PRIMA1: variants seen among roughly 807,000 people sequenced by gnomAD.
PRIMA1 encodes proline rich membrane anchor 1, also known as proline-rich membrane anchor 1.
Under a neutral mutation model 17.5 loss-of-function variants are expected in PRIMA1, and 7 were observed. That is an observed-to-expected ratio of 0.40 (90% CI 0.23 to 0.75). PRIMA1 has a LOEUF of 0.75. Among genes scored for constraint, PRIMA1 ranks in the 30% least tolerant of loss-of-function variants. PRIMA1 has a pLI of 0.37. For synonymous variants in PRIMA1, 97 were observed against 77.9 expected (o/e 1.25, Z -1.29); for missense variants, 200 against 201.8 (o/e 0.99, Z 0.05).
rs763426300 is a variant in PRIMA1 at position 93,737,310 on chromosome 14, A to G, written c.290T>C (p.Ile97Thr). 1.7e-5 allele frequency: 28 copies of G among 1,614,186 alleles called. 2 individuals carry two copies. In the South Asian group the frequency reaches 2.9e-4, roughly 16 times the overall value. Residue 97 changes from isoleucine (I) to threonine (T), a missense_variant, in exon 4 of 5, where the codon ATT becomes ACT. Ile to Thr is a moderately conservative substitution (Grantham distance 89). Transcript: ENST00000393140. ...ESWWSGLVII[I>T]AVCCASLVFL... The stretch of plus-strand genomic sequence containing the variant: ...CACCAGGGAGGCACAGCATACGGCA[A>G]TGATGATCACCAGCCCCGACCACCA...
At chr14:93,733,378 C>T (rs915218266) in intron 4 of PRIMA1, among the ~76,000 whole-genome samples, 6 of 152,216 alleles carry the variant, frequency 3.9e-5, no homozygotes, top group Middle Eastern at 3.2e-3. Context: ...GAGACTCTTC[C>T]TCCTGCCAAG....
intron 3 of PRIMA1, among the ~76,000 whole-genome samples, chr14:93,758,957 C>T (rs2076309348): frequency 6.6e-6 from 1 of 152,056 alleles, no homozygotes; most frequent in Non-Finnish European, 1.5e-5. Context: ...TATTTTGCAT[C>T]TCTCTGTTGT....
At chr14:93,735,817 G>A (rs1446915392) in intron 4 of PRIMA1, among the ~76,000 whole-genome samples, 6 of 151,782 alleles carry the variant, frequency 4.0e-5, no homozygotes, top group African/African-American at 1.5e-4. Context: ...TCAGCCTCCT[G>A]AGGCTGGGAT....
In PRIMA1 at chr14:93,738,612, C is replaced by T. The variant is rs80225097; in HGVS notation, c.230-1242G>A. 2.5e-3 allele frequency among the ~76,000 whole-genome samples: 386 copies of T among 152,242 alleles called. 1 individual carries two copies. Among genetic ancestry groups the T allele is most frequent in the African/African-American group, 8.7e-3 (360 of 41,542 alleles). On this transcript the variant is annotated intron_variant, in intron 3 of 4. Transcript: ENST00000393140. ...GAGGGGTGCAACAGTAAGTGGGGAA[C>T]CAGGGGATGACTTCCCAAAGGGTAA...
rs2076017586 is a variant in PRIMA1, at chr14:93,718,507, A to C, written c.*2937T>G. On this transcript the variant is annotated 3_prime_UTR_variant, in exon 5 of 5. Coordinates refer to ENST00000393140, the MANE Select transcript of PRIMA1 (RefSeq NM_178013.4). ...TCCCAGGAGCAACTGTCCTCTCTCC[A>C]GTACACGCGGCACGTTGCTAAGAAG... 1 of 152,596 alleles carries C rather than the reference A, an allele frequency of 6.6e-6. No homozygotes were observed. Among genetic ancestry groups the C allele is most frequent in the Non-Finnish European group, 1.5e-5 (1 of 68,028 alleles). 9.5% of individuals were successfully genotyped at this position (152,596 alleles called of 1,614,324 possible). A position where few individuals can be genotyped will look rare whatever the true frequency, so the allele number is the denominator to read the frequency against.
intron 3 of PRIMA1, among the ~76,000 whole-genome samples, chr14:93,777,062 G>GA (rs1053713087): frequency 2.0e-5 from 3 of 152,124 alleles, no homozygotes; most frequent in Non-Finnish European, 2.9e-5. Context: ...TTTATTTAAA[G>GA]AAAAAAATAA....
intron 3 of PRIMA1, among the ~76,000 whole-genome samples, chr14:93,746,978 C>T (rs2076222376): frequency 6.6e-6 from 1 of 152,154 alleles, no homozygotes; most frequent in Non-Finnish European, 1.5e-5. Flanking sequence ...AATTGTCACA[C>T]ACCACGGGAG....
chr14:93,760,040 G>A (rs2076317411), intron 3 of PRIMA1, among the ~76,000 whole-genome samples: 2 of 152,266 alleles, frequency 1.3e-5, no homozygotes, highest in African/African-American at 4.8e-5. Context: ...CAGGGCAACA[G>A]CTGCCGTCCC....
At chr14:93,722,968 G>A (rs1566961636) in intron 4 of PRIMA1, among the ~76,000 whole-genome samples, 1 of 152,068 alleles carries the variant, frequency 6.6e-6, no homozygotes. Context: ...ACGCATATAA[G>A]GGATCAGGAA....
chr14:93,781,764 C>G (rs902824511), intron 2 of PRIMA1, among the ~76,000 whole-genome samples: 4 of 150,466 alleles, frequency 2.7e-5, no homozygotes, highest in Non-Finnish European at 5.9e-5. Context: ...CACCTGAGGT[C>G]AGGAGTTCGA....
chr14:93,731,780 G>A (rs1384831781), intron 4 of PRIMA1, among the ~76,000 whole-genome samples: 1 of 152,166 alleles, frequency 6.6e-6, no homozygotes, highest in Non-Finnish European at 1.5e-5. Context: ...CTTGTGCTTA[G>A]TCCCCAGCAC....
At chr14:93,782,648 G>A (rs1885416380) in intron 2 of PRIMA1, among the ~76,000 whole-genome samples, 1 of 152,142 alleles carries the variant, frequency 6.6e-6, no homozygotes, top group Non-Finnish European at 1.5e-5. Context: ...AAAATCAATG[G>A]TTCTCAGTCT....
rs189618352 is a variant in PRIMA1, at chr14:93,732,117, G to T, written c.359+5124C>A. 1.2e-3 allele frequency among the ~76,000 whole-genome samples: 179 copies of T among 152,360 alleles called. 1 individual carries two copies. The highest frequency in any genetic ancestry group is 1.8e-3 in the Non-Finnish European group (124 of 68,044). Reference sequence around the variant, plus strand: ...GTGAGAGGGAAATGGCTGTCCAGTGGCTTCATGGCAATTGGGAACAGACCC... The same window carrying T: ...GTGAGAGGGAAATGGCTGTCCAGTGTCTTCATGGCAATTGGGAACAGACCC... On this transcript the variant is annotated intron_variant, in intron 4 of 4. Transcript: ENST00000393140.
intron 3 of PRIMA1, among the ~76,000 whole-genome samples, chr14:93,776,685 CAGTT>C (rs1381491366): frequency 1.3e-5 from 2 of 152,242 alleles, no homozygotes; most frequent in African/African-American, 4.8e-5. Context: ...CATGTCCCTG[CAGTT>C]ATGAGAGCTG....
chr14:93,731,752 CTT>C lies in PRIMA1; in HGVS notation c.359+5487_359+5488del, dbSNP rs752516269. On this transcript the variant is annotated intron_variant, in intron 4 of 4. Transcript: ENST00000393140. ...CCAGCAGGAGGAGAACAGGGACTGT[CTT>C]GTTTCTTCTGCATCCCTTGTGCTTA... is the stretch of plus-strand genomic sequence containing the variant. Among the ~76,000 whole-genome samples, 8 of 152,186 alleles carry C rather than the reference CTT, an allele frequency of 5.3e-5. No individual in the cohort carries two copies. In the South Asian group the frequency reaches 1.0e-3, roughly 20 times the overall value.
intron 3 of PRIMA1, among the ~76,000 whole-genome samples, chr14:93,753,280 G>T (rs1249417689): frequency 2.0e-5 from 3 of 152,236 alleles, no homozygotes; most frequent in Non-Finnish European, 4.4e-5. Context: ...CAGAGGCTGT[G>T]CAGTGGAACT....
chr14:93,781,723 C>T (rs1423066226), intron 2 of PRIMA1, among the ~76,000 whole-genome samples: 1 of 152,208 alleles, frequency 6.6e-6, no homozygotes, highest in Non-Finnish European at 1.5e-5. Flanking sequence ...GCCTGTAATC[C>T]CAGCACTTTG....
rs562656749 is a variant in PRIMA1 at position 93,783,700 on chromosome 14, G to A, written c.93+3926C>T. The stretch of plus-strand genomic sequence containing the variant: ...CACTTCTTATTCCCATTTCACAATC[G>A]TCTGCCTTCCAGGCCCTATTCTGCA... On this transcript the variant is annotated intron_variant, in intron 2 of 4. Coordinates refer to ENST00000393140, the MANE Select transcript of PRIMA1 (RefSeq NM_178013.4). Among the ~76,000 whole-genome samples, 193 of 152,282 alleles carry A rather than the reference G, an allele frequency of 1.3e-3. 2 individuals carry two copies. The highest frequency in any genetic ancestry group is 2.1e-3 in the Non-Finnish European group (140 of 68,024).
chr14:93,782,763 C>G (rs1885419466), intron 2 of PRIMA1, among the ~76,000 whole-genome samples: 1 of 152,224 alleles, frequency 6.6e-6, no homozygotes, highest in South Asian at 2.1e-4. Flanking sequence ...CGGCTGAGCC[C>G]CCACTGCAGT....
Sources: gnomAD v4.1 joint callset for allele counts (sites outside exome capture counted in the v4.1 genomes callset) on GRCh38, gnomAD v4.1.1 for gene constraint, MANE v1.5 for transcripts, NCBI Gene and HGNC (gene_info 2026-07-23, HGNC 2026-07-21) for gene names.